TEK: variants seen among roughly 807,000 people sequenced by gnomAD.
The protein encoded by TEK is angiopoietin-1 receptor.
TEK carries 43 observed loss-of-function variants against 131.8 expected under a neutral mutation model. That is an observed-to-expected ratio of 0.33 (90% CI 0.26 to 0.42). TEK has a LOEUF of 0.42. Ranked by LOEUF, TEK falls within the 10% of genes least tolerant of loss-of-function variation. TEK has a pLI of 1.00. For missense variants in TEK, 1,162 were observed against 1,384.4 expected, an observed-to-expected ratio of 0.84 and a Z score of 2.55; for synonymous variants, 580 against 491.6, an observed-to-expected ratio of 1.18 and a Z score of -2.38.
intron 13 of TEK, among the ~76,000 whole-genome samples, chr9:27,204,070 C>A (rs954109512): frequency 6.6e-6 from 1 of 151,964 alleles, no homozygotes; most frequent in South Asian, 2.1e-4. Context: ...TGTGTTTTGG[C>A]GAAATGTAAC....
chr9:27,126,338 A>G (rs1821988089), intron 1 of TEK, among the ~76,000 whole-genome samples: 1 of 152,208 alleles, frequency 6.6e-6, no homozygotes, highest in Admixed American at 6.5e-5. Flanking sequence ...AATGGTGAAA[A>G]TGGCAATAAA....
intron 21 of TEK, among the ~76,000 whole-genome samples, chr9:27,222,041 G>A (rs146511943): frequency 2.6e-5 from 4 of 152,142 alleles, no homozygotes; most frequent in Admixed American, 1.3e-4. Context: ...AGAGAAGAAC[G>A]TAAATGACCT....
At chr9:27,146,211 A>G (rs1390826798) in intron 1 of TEK, among the ~76,000 whole-genome samples, 1 of 152,338 alleles carries the variant, frequency 6.6e-6, no homozygotes, top group East Asian at 1.9e-4. Flanking sequence ...TGCTGCAATG[A>G]ATATCCTTGC....
rs1586998551 is a variant in TEK at position 27,195,539 on chromosome 9, G to T, written c.1625-1776G>T. 1.4e-5 allele frequency: 6 copies of T among 419,420 alleles called. No individual in the cohort carries two copies. The East Asian group carries it at 4.2e-4, about 30-fold the overall frequency. The allele number at this position is 419,420 out of a possible 1,614,324, so 26.0% of individuals were successfully genotyped here. A position where few individuals can be genotyped will look rare whatever the true frequency, so the allele number is the denominator to read the frequency against. On this transcript the variant is annotated intron_variant, in intron 11 of 22. Coordinates refer to ENST00000380036, the MANE Select transcript of TEK (RefSeq NM_000459.5). ...AAGAACAAATTTTTTTGCCCCATAG[G>T]AGTGATTGTGTCCCTACTGAGAATG...
chr9:27,148,528 A>G (rs543732125), intron 1 of TEK, among the ~76,000 whole-genome samples: 137 of 152,344 alleles, frequency 9.0e-4, no homozygotes, highest in African/African-American at 3.2e-3. Flanking sequence ...TCAGGGTTCC[A>G]TAGAGCAGCA....
intron 1 of TEK, among the ~76,000 whole-genome samples, chr9:27,118,127 G>C (rs1292224331): frequency 6.6e-6 from 1 of 152,154 alleles, no homozygotes; most frequent in Non-Finnish European, 1.5e-5. Context: ...TCTGGGATGG[G>C]CTTCAAATTC....
chr9:27,147,025 G>A (rs1027467284), intron 1 of TEK, among the ~76,000 whole-genome samples: 3 of 152,156 alleles, frequency 2.0e-5, no homozygotes, highest in South Asian at 2.1e-4. Context: ...CACTGCGCCC[G>A]GCCAACATTC....
At position 27,109,616 on chromosome 9, in the gene TEK, T is replaced by C. The variant is rs1156587696; in HGVS notation, c.26T>C (p.Leu9Pro). MDSLASLV[L>P]CGVSLLLSGT... The stretch of plus-strand genomic sequence containing the variant: ...ATGGACTCTTTAGCCAGCTTAGTTC[T>C]CTGTGGAGTCAGCTTGCTCCTTTCT... The change falls in exon 1 of 23, where the codon CTC becomes CCC. Residue 9 changes from leucine (L) to proline (P), a missense_variant. Physicochemically the swap from Leu to Pro is moderately conservative, Grantham distance 98 (BLOSUM62 -3). Around this residue, in one of 6 missense-constraint regions of TEK, gnomAD observed 436 missense variants for 539.1 expected, o/e 0.81. Coordinates refer to ENST00000380036, the MANE Select transcript of TEK (RefSeq NM_000459.5). 6.2e-7 allele frequency: 1 copy of C among 1,614,132 alleles called. No homozygotes were observed. The highest frequency in any genetic ancestry group is 8.5e-7 in the Non-Finnish European group (1 of 1,180,046).
At chr9:27,132,596 C>A (rs1347224144) in intron 1 of TEK, among the ~76,000 whole-genome samples, 1 of 152,084 alleles carries the variant, frequency 6.6e-6, no homozygotes, top group African/African-American at 2.4e-5. Flanking sequence ...AGAAATGTTT[C>A]TTTCATAGTA....
chr9:27,173,951 G>A (rs1044718733), intron 6 of TEK, among the ~76,000 whole-genome samples: 6 of 151,286 alleles, frequency 4.0e-5, no homozygotes, highest in Non-Finnish European at 1.5e-5. Flanking sequence ...ATCAAAATCA[G>A]AGCTTTTATG....
intron 1 of TEK, among the ~76,000 whole-genome samples, chr9:27,142,389 T>C (rs1237370820): frequency 1.3e-5 from 2 of 152,164 alleles, no homozygotes; most frequent in Non-Finnish European, 2.9e-5. Context: ...ATGCATTTAT[T>C]ATTGGGAAGA....
chr9:27,217,881 C>A, intron 19 of TEK, 123 bp downstream of exon 19: 1 of 861,600 alleles, frequency 1.2e-6, no homozygotes. Flanking sequence ...AACTAAAAAG[C>A]TCAGGAAATA....
intron 1 of TEK, among the ~76,000 whole-genome samples, chr9:27,133,516 C>T (rs966810956): frequency 1.3e-5 from 2 of 152,182 alleles, no homozygotes; most frequent in African/African-American, 4.8e-5. Flanking sequence ...TGTCAGTGAC[C>T]ATATGATGCA....
Position 27,201,625 on chromosome 9 carries a change from A to G in TEK, c.1910-1195A>G, listed in dbSNP as rs551523246. 3.1e-3 allele frequency among the ~76,000 whole-genome samples: 476 copies of G among 152,336 alleles called. 1 individual carries two copies. Among genetic ancestry groups the G allele is most frequent in the South Asian group, 6.8e-3 (33 of 4,824 alleles). On this transcript the variant is annotated intron_variant, in intron 12 of 22. Coordinates refer to ENST00000380036, the MANE Select transcript of TEK (RefSeq NM_000459.5). ...ATCAGATTTGGAAGGTTCTAAATCC[A>G]ATACCTAATTCTCATAAATTGCCAC...
At chr9:27,163,554 C>T (rs1823620014) in intron 2 of TEK, among the ~76,000 whole-genome samples, 1 of 152,166 alleles carries the variant, frequency 6.6e-6, no homozygotes, top group Admixed American at 6.5e-5. Context: ...GGCTGAGGAA[C>T]TGAATACAGT....
intron 7 of TEK, among the ~76,000 whole-genome samples, 190 bp downstream of exon 7, chr9:27,180,558 C>T (rs1166652732): frequency 6.6e-6 from 1 of 152,110 alleles, no homozygotes; most frequent in East Asian, 1.9e-4. Context: ...TAATAGTAGG[C>T]TTTATTTGTC....
intron 1 of TEK, among the ~76,000 whole-genome samples, chr9:27,138,517 G>C (rs1822591144): frequency 6.6e-6 from 1 of 152,202 alleles, no homozygotes; most frequent in African/African-American, 2.4e-5. Flanking sequence ...CCTCTAGCTA[G>C]ACAGAAAAGT....
chr9:27,174,914 T>C (rs1235484847), intron 6 of TEK, among the ~76,000 whole-genome samples: 1 of 152,020 alleles, frequency 6.6e-6, no homozygotes, highest in Non-Finnish European at 1.5e-5. Context: ...CTCTAGAACA[T>C]AAACTTCATC....
chr9:27,174,792 T>C (rs2131153384), intron 6 of TEK, among the ~76,000 whole-genome samples: 1 of 152,064 alleles, frequency 6.6e-6, no homozygotes, highest in South Asian at 2.1e-4. Flanking sequence ...TATGTTAAGG[T>C]AAAAGGTGAC....
Sources: allele counts gnomAD v4.1 joint callset (sites outside exome capture counted in the v4.1 genomes callset), GRCh38; gene constraint gnomAD v4.1.1; regional missense constraint gnomAD v4.1.1; transcripts MANE v1.5; gene names NCBI Gene and HGNC (gene_info 2026-07-23, HGNC 2026-07-21).